Variants in ZNF184 observed in about 807,000 individuals in gnomAD.
ZNF184 encodes zinc finger protein 184, also known as zinc finger protein 184 (Kruppel-like).
ZNF184 carries 16 observed loss-of-function variants against 54.4 expected under a neutral mutation model. The observed-to-expected ratio is 0.29, with a 90% CI of 0.20 to 0.45. The LOEUF (loss-of-function observed/expected upper bound fraction) is 0.45. Among genes scored for constraint, ZNF184 ranks in the 20% least tolerant of loss-of-function variants. The pLI is 1.00. For missense variants in ZNF184, 681 were observed against 888.2 expected (o/e 0.77, Z 2.97); for synonymous variants, 254 against 295.3 (o/e 0.86, Z 1.43).
chr6:27,447,380 T>C (rs138556827), downstream of ZNF184, among the ~76,000 whole-genome samples: 5,525 of 152,178 alleles, frequency 0.036, 316 homozygotes, highest in African/African-American at 0.12. Flanking sequence ...TGAAATTTAA[T>C]TGCCATTGTG....
In ZNF184 at chr6:27,452,744, T is replaced by C; in HGVS notation, c.815A>G (p.His272Arg). 5.0e-6 allele frequency: 8 copies of C among 1,614,120 alleles called. No homozygotes were observed. Among genetic ancestry groups the C allele is most frequent in the Non-Finnish European group, 6.8e-6 (8 of 1,180,008 alleles). The change falls in exon 6 of 6, where the codon CAT becomes CGT. Residue 272 changes from histidine (H) to arginine (R), a missense_variant. Coordinates refer to ENST00000683788, the MANE Select transcript of ZNF184 (RefSeq NM_001318891.2). This position sits in a 1 kb window ranked among gnomAD's most constrained non-coding sequence, Gnocchi z 5.5. ...ACATTTATATGGTTTATCTCCAGTA[T>C]GAATTCTTTGATGGTTTATAAGGTT... Reference protein sequence around the residue: ...SENLINHQRIHTGDKPYKCDQ... With the variant: ...SENLINHQRIRTGDKPYKCDQ...
chr6:27,412,847 C>G, the ZNF184 span, among the ~76,000 whole-genome samples: 2 of 152,086 alleles, frequency 1.3e-5, no homozygotes, highest in Non-Finnish European at 2.9e-5. Flanking sequence ...GTACTCCAGT[C>G]TGAGTGACAG....
the ZNF184 span, among the ~76,000 whole-genome samples, chr6:27,410,504 G>T: frequency 6.6e-6 from 1 of 152,168 alleles, no homozygotes; most frequent in South Asian, 2.1e-4. Flanking sequence ...GTTGCATTTG[G>T]ATTTCATCTT....
intron 5 of ZNF184, among the ~76,000 whole-genome samples, chr6:27,455,627 G>T (rs1202491725): frequency 6.6e-6 from 1 of 151,832 alleles, no homozygotes; most frequent in Non-Finnish European, 1.5e-5. Flanking sequence ...TGAAAAAAAA[G>T]TATTCATTGT....
At chr6:27,428,100 T>C in the ZNF184 span, among the ~76,000 whole-genome samples, 8 of 152,354 alleles carry the variant, frequency 5.3e-5, no homozygotes, top group East Asian at 7.7e-4. The surrounding 1 kb of genome is among the most constrained non-coding windows in gnomAD (Gnocchi z 4.1). Flanking sequence ...CAAAGCTTTC[T>C]AAACTGGCCT....
At chr6:27,442,577 A>G in the ZNF184 span, among the ~76,000 whole-genome samples, 5 of 151,996 alleles carry the variant, frequency 3.3e-5, no homozygotes, top group African/African-American at 7.3e-5. Flanking sequence ...AGCCTGGGCA[A>G]CAGAGCCAGA....
intron 3 of ZNF184, 141 bp downstream of exon 3, chr6:27,467,712 G>C: frequency 1.5e-6 from 1 of 665,618 alleles, no homozygotes; most frequent in South Asian, 2.3e-5. Flanking sequence ...GGCACAGCTA[G>C]GAATGCGGTT....
chr6:27,440,090 C>T, the ZNF184 span, among the ~76,000 whole-genome samples: 1 of 152,174 alleles, frequency 6.6e-6, no homozygotes. Flanking sequence ...TCACTCTTAT[C>T]ATTGCCTATT....
chr6:27,449,782 TTGCTC>T (rs1047642447), downstream of ZNF184, among the ~76,000 whole-genome samples: 11 of 152,226 alleles, frequency 7.2e-5, no homozygotes, highest in Admixed American at 3.3e-4. Context: ...GATTTTAACT[TTGCTC>T]TACTCTCTCA....
chr6:27,447,776 G>C (rs1341949787), downstream of ZNF184, among the ~76,000 whole-genome samples: 1 of 152,150 alleles, frequency 6.6e-6, no homozygotes, highest in Non-Finnish European at 1.5e-5. Context: ...CCCTCATAAA[G>C]GGATTAATAC....
intron 5 of ZNF184, 48 bp downstream of exon 5, chr6:27,456,778 C>G: frequency 1.3e-6 from 2 of 1,497,766 alleles, no homozygotes; most frequent in Non-Finnish European, 1.9e-6. Context: ...TCTTATCAGG[C>G]TGACAGTCGG....
At chr6:27,427,981 C>A in the ZNF184 span, among the ~76,000 whole-genome samples, 1 of 152,230 alleles carries the variant, frequency 6.6e-6, no homozygotes, top group South Asian at 2.1e-4. Flanking sequence ...TTCTTACCCA[C>A]ATATTTAGTT....
At chr6:27,467,777 G>GA (rs1763177209) in intron 3 of ZNF184, 76 bp downstream of exon 3, 5 of 1,412,764 alleles carry the variant, frequency 3.5e-6, no homozygotes, top group Admixed American at 2.2e-5. Flanking sequence ...TGGATAAATA[G>GA]AAAAAACAAA....
the ZNF184 span, among the ~76,000 whole-genome samples, chr6:27,408,872 C>G: frequency 1.3e-5 from 2 of 152,234 alleles, no homozygotes; most frequent in Non-Finnish European, 2.9e-5. Flanking sequence ...AAACTACCAA[C>G]TAGCCTAGCC....
At chr6:27,423,670 T>TC in the ZNF184 span, among the ~76,000 whole-genome samples, 1 of 152,034 alleles carries the variant, frequency 6.6e-6, no homozygotes, top group African/African-American at 2.4e-5. Context: ...GCTCAGATCA[T>TC]CCCTGGGCAT....
chr6:27,444,958 G>A, the ZNF184 span, among the ~76,000 whole-genome samples: 6 of 152,114 alleles, frequency 3.9e-5, no homozygotes, highest in Non-Finnish European at 5.9e-5. Context: ...CAATGAAAAC[G>A]TTGGCAAAGA....
chr6:27,468,213 C>G (rs1184018066), intron 2 of ZNF184, among the ~76,000 whole-genome samples: 2 of 152,142 alleles, frequency 1.3e-5, no homozygotes, highest in African/African-American at 4.8e-5. Flanking sequence ...TTTCTGCTGG[C>G]CTTTCTCTGC....
chr6:27,436,311 A>G, the ZNF184 span, among the ~76,000 whole-genome samples: 1 of 151,944 alleles, frequency 6.6e-6, no homozygotes, highest in African/African-American at 2.4e-5. Flanking sequence ...CTACAGGCAC[A>G]CGCCACCACC....
chr6:27,422,242 A>T, the ZNF184 span, among the ~76,000 whole-genome samples: 66,767 of 115,740 alleles, frequency 0.58, 21,841 homozygotes, highest in Middle Eastern at 0.76. Flanking sequence ...CAGAGACCAC[A>T]CTGGCACATA....
Sources: allele counts gnomAD v4.1 joint callset (sites outside exome capture counted in the v4.1 genomes callset), GRCh38; gene constraint gnomAD v4.1.1; non-coding constraint Gnocchi (gnomAD v3.1); transcripts MANE v1.5; gene names NCBI Gene and HGNC (gene_info 2026-07-23, HGNC 2026-07-21).